TOPAZ1: variants seen among roughly 807,000 people sequenced by gnomAD.
TOPAZ1 encodes the protein testis and ovary specific TOPAZ 1.
Under a neutral mutation model 172.2 loss-of-function variants are expected in TOPAZ1, and 66 were observed. That is an observed-to-expected ratio of 0.38 (90% CI 0.31 to 0.47). The LOEUF (loss-of-function observed/expected upper bound fraction) is 0.47. Among genes scored for constraint, TOPAZ1 ranks in the 20% least tolerant of loss-of-function variants. TOPAZ1 has a pLI of 0.99. For missense variants in TOPAZ1, 1,822 were observed against 1,972.4 expected, an observed-to-expected ratio of 0.92 and a Z score of 1.44; for synonymous variants, 681 against 683.9, an observed-to-expected ratio of 1.00 and a Z score of 0.07.
intron 2 of TOPAZ1, among the ~76,000 whole-genome samples, chr3:44,247,852 TG>T (rs1699583853): frequency 6.6e-6 from 1 of 152,198 alleles, no homozygotes; most frequent in African/African-American, 2.4e-5. Flanking sequence ...GGTTTCACCA[TG>T]TTGGCCAGGC....
At chr3:44,317,596 T>C (rs1700465006) in intron 16 of TOPAZ1, among the ~76,000 whole-genome samples, 1 of 152,192 alleles carries the variant, frequency 6.6e-6, no homozygotes, top group African/African-American at 2.4e-5. Context: ...CAAAATCTTG[T>C]GTGAGTAATG....
At chr3:44,305,364 TG>T in intron 14 of TOPAZ1, 43 bp downstream of exon 14, 1 of 1,448,618 alleles carries the variant, frequency 6.9e-7, no homozygotes, top group South Asian at 1.4e-5. Flanking sequence ...ATGAGGATGG[TG>T]CAGTTTTCTT....
intron 12 of TOPAZ1, among the ~76,000 whole-genome samples, chr3:44,301,122 A>C (rs1700267811): frequency 6.6e-6 from 1 of 152,220 alleles, no homozygotes; most frequent in African/African-American, 2.4e-5. Context: ...GCCAGGGGAC[A>C]GGGACAGTGG....
chr3:44,310,010 A>G lies in TOPAZ1; in HGVS notation c.4306+20A>G. The G allele has an allele frequency of 6.5e-7, 1 of 1,526,818 alleles. No individual in the cohort carries two copies. Among genetic ancestry groups the G allele is most frequent in the South Asian group, 1.3e-5 (1 of 79,806 alleles). The allele number at this position is 1,526,818 out of a possible 1,614,324, so 94.6% of individuals were successfully genotyped here. A position where few individuals can be genotyped will look rare whatever the true frequency, so the allele number is the denominator to read the frequency against. On this transcript the variant is annotated intron_variant, in intron 16 of 19. Transcript: ENST00000309765. ...TGAGGGGTAAGTCCTGATATATGCA[A>G]GCATAAAATAATTCGTTATACTTGT...
In TOPAZ1 at chr3:44,332,040, T is replaced by TA; in HGVS notation, c.*30dup. ...ATAAAGTCTGCTTTTTTTTTTTTTT[T>TA]AGTTCAAGTAATCATTGTTGAAAAT... On this transcript the variant is annotated 3_prime_UTR_variant, in exon 20 of 20. Coordinates refer to ENST00000309765, the MANE Select transcript of TOPAZ1 (RefSeq NM_001145030.2). 2 of 1,226,592 alleles carry TA rather than the reference T, an allele frequency of 1.6e-6. No individual in the cohort carries two copies. Among genetic ancestry groups the TA allele is most frequent in the Non-Finnish European group, 2.3e-6 (2 of 878,146 alleles). The allele number at this position is 1,226,592 out of a possible 1,614,324, so 76.0% of individuals were successfully genotyped here.
intron 17 of TOPAZ1, among the ~76,000 whole-genome samples, chr3:44,322,540 C>T (rs1252017478): frequency 6.6e-6 from 1 of 152,080 alleles, no homozygotes; most frequent in Non-Finnish European, 1.5e-5. Context: ...TTTCTTTTGT[C>T]AAATGCTTTT....
At chr3:44,252,234 C>CAATAA (rs1699642465) in intron 2 of TOPAZ1, among the ~76,000 whole-genome samples, 1 of 152,188 alleles carries the variant, frequency 6.6e-6, no homozygotes, top group African/African-American at 2.4e-5. Flanking sequence ...CCTCAGTTCT[C>CAATAA]TATTGAGTCA....
In TOPAZ1 at chr3:44,302,989, C is replaced by T. The variant is rs144183609; in HGVS notation, c.3798-1026C>T. On this transcript the variant is annotated intron_variant, in intron 12 of 19. Transcript: ENST00000309765. Reference sequence around the variant, plus strand: ...TCCCACGTAGCTGGTACTACAGGTGCATGCCACCACACCCAGCTAATTTTT... The same window carrying T: ...TCCCACGTAGCTGGTACTACAGGTGTATGCCACCACACCCAGCTAATTTTT... Among the ~76,000 whole-genome samples the T allele has an allele frequency of 3.9e-4, 59 of 152,128 alleles. 1 individual carries two copies. The highest frequency in any genetic ancestry group is 1.4e-3 in the African/African-American group (58 of 41,506).
At chr3:44,335,510 G>T (rs1258253621), downstream of TOPAZ1, among the ~76,000 whole-genome samples, 2 of 152,126 alleles carry the variant, frequency 1.3e-5, no homozygotes, top group Non-Finnish European at 2.9e-5. Context: ...TATAATCCCA[G>T]ATACTTGGGA....
At chr3:44,287,970 T>C in intron 11 of TOPAZ1, 131 bp downstream of exon 11, 1 of 594,830 alleles carries the variant, frequency 1.7e-6, no homozygotes, top group Non-Finnish European at 2.9e-6. Flanking sequence ...TCCAGAAGTA[T>C]TCTTTTTCTC....
chr3:44,324,266 T>C lies in TOPAZ1; in HGVS notation c.4675+971T>C, dbSNP rs1386337592. Among the ~76,000 whole-genome samples, 5 of 152,130 alleles carry C rather than the reference T, an allele frequency of 3.3e-5. No homozygotes were observed. The South Asian group carries it at 1.0e-3, about 32-fold the overall frequency. On this transcript the variant is annotated intron_variant, in intron 18 of 19. Transcript: ENST00000309765. ...TCTTGTAGGTTATAATCAAAAGAAG[T>C]TTTGAAAGCTGAGTTTTCTTAAAAA...
chr3:44,270,947 C>A (rs11721147), intron 8 of TOPAZ1, 137 bp downstream of exon 8: 18,570 of 742,764 alleles, frequency 0.025, 350 homozygotes, highest in Non-Finnish European at 0.029. Flanking sequence ...TAAATGGAAT[C>A]ATATGTGTAT....
chr3:44,299,272 C>T (rs1385851966), intron 12 of TOPAZ1, among the ~76,000 whole-genome samples: 1 of 151,926 alleles, frequency 6.6e-6, no homozygotes, highest in Non-Finnish European at 1.5e-5. Context: ...ACAAATGATA[C>T]TGTTAGAAAA....
intron 9 of TOPAZ1, among the ~76,000 whole-genome samples, chr3:44,282,744 A>G (rs1226192095): frequency 6.6e-6 from 1 of 152,002 alleles, no homozygotes; most frequent in Non-Finnish European, 1.5e-5. Flanking sequence ...GAGCACTTTC[A>G]CTTCATATAT....
At chr3:44,279,482 A>G (rs1003359858) in intron 8 of TOPAZ1, among the ~76,000 whole-genome samples, 1 of 151,882 alleles carries the variant, frequency 6.6e-6, no homozygotes, top group African/African-American at 2.4e-5. Context: ...TATATGCTTT[A>G]TGTGTCTTGG....
chr3:44,304,851 G>A (rs754949883), intron 13 of TOPAZ1, among the ~76,000 whole-genome samples: 9 of 152,256 alleles, frequency 5.9e-5, no homozygotes, highest in Admixed American at 3.9e-4. Flanking sequence ...CATCTCCACT[G>A]TCAGGTTCAG....
chr3:44,246,375 T>C (rs1407480157), intron 2 of TOPAZ1, among the ~76,000 whole-genome samples: 7 of 152,200 alleles, frequency 4.6e-5, no homozygotes, highest in Non-Finnish European at 8.8e-5. Flanking sequence ...CAAAGAAAAA[T>C]GAAAACACTT....
intron 8 of TOPAZ1, among the ~76,000 whole-genome samples, chr3:44,279,402 C>G (rs887739529): frequency 3.3e-5 from 5 of 152,056 alleles, no homozygotes; most frequent in African/African-American, 1.2e-4. Flanking sequence ...CTGTCTAATG[C>G]TGAGAGTAGG....
At chr3:44,304,139 A>G (rs1700308252) in intron 13 of TOPAZ1, 58 bp downstream of exon 13, 1 of 1,087,922 alleles carries the variant, frequency 9.2e-7, no homozygotes, top group Non-Finnish European at 1.3e-6. Context: ...AATAGCAACA[A>G]AAAAGGTTTG....
Sources: gnomAD v4.1 joint callset for allele counts (sites outside exome capture counted in the v4.1 genomes callset) on GRCh38, gnomAD v4.1.1 for gene constraint, MANE v1.5 for transcripts, NCBI Gene and HGNC (gene_info 2026-07-23, HGNC 2026-07-21) for gene names.